PCNX2: variants seen among roughly 807,000 people sequenced by gnomAD.
PCNX2 encodes pecanex 2, also known as pecanex-like protein 2.
A neutral mutation model predicts 223.8 loss-of-function variants in PCNX2; 168 were observed. The ratio of observed to expected loss-of-function variants is 0.75; its 90% CI spans 0.66 to 0.85. The LOEUF (loss-of-function observed/expected upper bound fraction) is 0.85. Ranked by LOEUF, PCNX2 falls within the 40% of genes least tolerant of loss-of-function variation. The pLI is 0.00. For missense variants in PCNX2, 2,507 were observed against 2,675.5 expected (o/e 0.94, Z 1.39); for synonymous variants, 1,006 against 1,052.6 (o/e 0.96, Z 0.86).
At chr1:233,251,283 C>T (rs368472334) in intron 7 of PCNX2, among the ~76,000 whole-genome samples, 37 of 152,272 alleles carry the variant, frequency 2.4e-4, no homozygotes, top group African/African-American at 8.9e-4. Context: ...CGCATGAGAC[C>T]ATCTCTGCCT....
chr1:233,289,475 C>G (rs762888138), intron 1 of PCNX2: 2 of 1,008,350 alleles, frequency 2.0e-6, no homozygotes, highest in African/African-American at 1.6e-5. Flanking sequence ...ACTTGCCGAG[C>G]GCCGGCTTAG....
At chr1:233,251,028 T>G (rs1659421137) in intron 7 of PCNX2, among the ~76,000 whole-genome samples, 196 bp from the exon 8 acceptor site, 1 of 152,218 alleles carries the variant, frequency 6.6e-6, no homozygotes, top group African/African-American at 2.4e-5. Flanking sequence ...AAAGAAACTT[T>G]ACTAAGAAAA....
intron 1 of PCNX2, among the ~76,000 whole-genome samples, chr1:233,270,328 A>G (rs1660578038): frequency 6.6e-6 from 1 of 152,200 alleles, no homozygotes; most frequent in Non-Finnish European, 1.5e-5. Flanking sequence ...AACTAAACAA[A>G]TTTAGTATTT....
At chr1:233,309,132 G>A in the PCNX2 span, among the ~76,000 whole-genome samples, 38 of 152,106 alleles carry the variant, frequency 2.5e-4, no homozygotes, top group Admixed American at 2.4e-3. Flanking sequence ...TAAAATTAAT[G>A]AAATAAAATT....
chr1:233,319,577 TC>T, the PCNX2 span, among the ~76,000 whole-genome samples: 1 of 152,244 alleles, frequency 6.6e-6, no homozygotes. Flanking sequence ...TTTAGTAACA[TC>T]TTTCTTAAAT....
chr1:233,280,936 A>G (rs1661163218), intron 1 of PCNX2, among the ~76,000 whole-genome samples: 1 of 151,976 alleles, frequency 6.6e-6, no homozygotes. Flanking sequence ...GCACATAAAA[A>G]GCACTTAAAT....
At chr1:233,115,330 A>G (rs1675347548) in intron 21 of PCNX2, among the ~76,000 whole-genome samples, 1 of 152,178 alleles carries the variant, frequency 6.6e-6, no homozygotes, top group South Asian at 2.1e-4. Flanking sequence ...ACTCAATATA[A>G]TAACACTAGA....
At chr1:233,123,464 C>T (rs1675920520) in intron 21 of PCNX2, among the ~76,000 whole-genome samples, 1 of 152,058 alleles carries the variant, frequency 6.6e-6, no homozygotes, top group Non-Finnish European at 1.5e-5. Context: ...TGCCTGTAAT[C>T]CCAACTACTC....
upstream of PCNX2, among the ~76,000 whole-genome samples, chr1:233,297,276 A>T (rs1662176670): frequency 6.6e-6 from 1 of 152,174 alleles, no homozygotes; most frequent in African/African-American, 2.4e-5. Flanking sequence ...TTTACTCAAC[A>T]CCTTCTGGGT....
At chr1:233,305,236 G>A in the PCNX2 span, among the ~76,000 whole-genome samples, 1 of 151,710 alleles carries the variant, frequency 6.6e-6, no homozygotes, top group Non-Finnish European at 1.5e-5. Flanking sequence ...CGTAAAGCAA[G>A]AATTACAAAA....
chr1:233,261,371 C>T, intron 3 of PCNX2, 50 bp from the exon 4 acceptor site: 3 of 1,552,856 alleles, frequency 1.9e-6, no homozygotes, highest in Non-Finnish European at 2.7e-6. Flanking sequence ...GCTGACCGTC[C>T]ATTTCCAGAC....
intron 28 of PCNX2, among the ~76,000 whole-genome samples, chr1:233,013,189 T>A (rs1670527018): frequency 6.6e-6 from 1 of 152,190 alleles, no homozygotes; most frequent in Non-Finnish European, 1.5e-5. Context: ...CATGAGACTT[T>A]AAGGGTCAGA....
intron 26 of PCNX2, among the ~76,000 whole-genome samples, chr1:233,019,565 C>T (rs914709652): frequency 1.3e-5 from 2 of 152,050 alleles, no homozygotes; most frequent in Admixed American, 6.6e-5. Flanking sequence ...TGGCCTGGCC[C>T]GTTGATATGT....
chr1:233,022,092 C>T (rs1038197540), intron 26 of PCNX2, among the ~76,000 whole-genome samples: 8 of 152,116 alleles, frequency 5.3e-5, no homozygotes, highest in Admixed American at 2.0e-4. Context: ...CCCATGGTGA[C>T]GAGTTGGGCC....
At chr1:232,987,490 A>G (rs1242917208) in intron 32 of PCNX2, among the ~76,000 whole-genome samples, 1 of 152,234 alleles carries the variant, frequency 6.6e-6, no homozygotes, top group Non-Finnish European at 1.5e-5. Flanking sequence ...TCATGGTTCT[A>G]TGAACGGCAT....
chr1:233,062,428 T>C (rs1672440330), intron 23 of PCNX2, among the ~76,000 whole-genome samples: 1 of 152,182 alleles, frequency 6.6e-6, no homozygotes, highest in South Asian at 2.1e-4. Flanking sequence ...TTTCTATTTT[T>C]TAAATAAAAT....
rs1047345565 is a variant in PCNX2, at chr1:233,000,718, A to G, written c.5098-183T>C. Among the ~76,000 whole-genome samples the G allele has an allele frequency of 6.6e-6, 1 of 152,188 alleles. No homozygotes were observed. On this transcript the variant is annotated intron_variant, in intron 29 of 33. Coordinates refer to ENST00000258229, the MANE Select transcript of PCNX2 (RefSeq NM_014801.4). The surrounding 1 kb of genome is among the most constrained non-coding windows in gnomAD (Gnocchi z 4.6). ...GGACACCTCTTTATCTCATTGCCCT[A>G]ACCAATGGAATGTGCCTAGAAAAGA...
At chr1:233,127,888 C>T (rs1676193751) in intron 21 of PCNX2, among the ~76,000 whole-genome samples, 1 of 152,220 alleles carries the variant, frequency 6.6e-6, no homozygotes, top group South Asian at 2.1e-4. Flanking sequence ...CCAGTAAGTG[C>T]TCAATGAATG....
At chr1:233,022,695 C>CTTTTTTTTTTT (rs372153367) in intron 26 of PCNX2, among the ~76,000 whole-genome samples, 15 of 128,674 alleles carry the variant, frequency 1.2e-4, no homozygotes, top group East Asian at 4.5e-4. Flanking sequence ...CTTTTTCTTT[C>CTTTTTTTTTTT]TTTTTTTTTT....
Sources: gnomAD v4.1 joint callset for allele counts (sites outside exome capture counted in the v4.1 genomes callset) on GRCh38, gnomAD v4.1.1 for gene constraint, Gnocchi (gnomAD v3.1) non-coding constraint, MANE v1.5 for transcripts, NCBI Gene and HGNC (gene_info 2026-07-23, HGNC 2026-07-21) for gene names.